KLF12: variants seen among roughly 807,000 people sequenced by gnomAD.
KLF12 encodes KLF transcription factor 12.
KLF12 carries 9 observed loss-of-function variants against 37.8 expected under a neutral mutation model. That is an observed-to-expected ratio of 0.24 (90% CI 0.14 to 0.42). The LOEUF is 0.42. KLF12 is among the 10% of genes least tolerant of loss of function. The probability of loss-of-function intolerance (pLI) is 1.00; values close to 1 mark genes in which losing one functional copy is unlikely to be tolerated. For missense variants in KLF12, 411 were observed against 516.0 expected (o/e 0.80, Z 1.97); for synonymous variants, 208 against 202.1 (o/e 1.03, Z -0.25).
chr13:74,297,539 C>T, the KLF12 span, among the ~76,000 whole-genome samples: 1 of 152,192 alleles, frequency 6.6e-6, no homozygotes, highest in Non-Finnish European at 1.5e-5. Context: ...GAACTGTGGG[C>T]AGCTGTATTT....
the KLF12 span, among the ~76,000 whole-genome samples, chr13:74,199,780 A>G: frequency 6.6e-6 from 1 of 152,140 alleles, no homozygotes; most frequent in Non-Finnish European, 1.5e-5. Flanking sequence ...GAGGATTTGA[A>G]ATTTATTCAC....
chr13:73,731,066 G>T lies in KLF12; in HGVS notation c.870-15541C>A, dbSNP rs147918552. ...TATTGCCATCACTCAAGTAAGTGGAGTCTACCTGAACCAAAGTAGTGTCTT... is the reference window on the plus strand; with the variant it reads ...TATTGCCATCACTCAAGTAAGTGGATTCTACCTGAACCAAAGTAGTGTCTT... On this transcript the variant is annotated intron_variant, in intron 6 of 7. Transcript: ENST00000377669. 3.4e-3 allele frequency among the ~76,000 whole-genome samples: 514 copies of T among 152,272 alleles called. 6 individuals are homozygous for T. Among genetic ancestry groups the T allele is most frequent in the African/African-American group, 0.012 (498 of 41,564 alleles).
chr13:73,920,601 G>T (rs1461550590), intron 3 of KLF12, among the ~76,000 whole-genome samples: 16 of 151,968 alleles, frequency 1.1e-4, no homozygotes, highest in Admixed American at 1.0e-3. Context: ...ACTTTTTGAG[G>T]CTCTTAGTTC....
At chr13:73,963,498 T>C (rs1891085552) in intron 2 of KLF12, among the ~76,000 whole-genome samples, 1 of 152,204 alleles carries the variant, frequency 6.6e-6, no homozygotes, top group Non-Finnish European at 1.5e-5. Flanking sequence ...ATGGATTATA[T>C]AAACGTTAAA....
chr13:74,150,754 G>C, the KLF12 span, among the ~76,000 whole-genome samples: 2 of 152,138 alleles, frequency 1.3e-5, no homozygotes, highest in Admixed American at 1.3e-4. Flanking sequence ...CCATCAACCT[G>C]ATCACCAAGA....
At chr13:73,871,163 A>G (rs1220971840) in intron 3 of KLF12, among the ~76,000 whole-genome samples, 1 of 152,178 alleles carries the variant, frequency 6.6e-6, no homozygotes, top group Non-Finnish European at 1.5e-5. Context: ...GGTTGCCAGC[A>G]ACAACATTCA....
At chr13:74,163,815 G>A in the KLF12 span, among the ~76,000 whole-genome samples, 1 of 143,798 alleles carries the variant, frequency 7.0e-6, no homozygotes, top group African/African-American at 2.6e-5. Context: ...TTGCATGTCT[G>A]TATCAAAACA....
chr13:74,098,127 C>T lies in KLF12; in HGVS notation c.-32+35612G>A, dbSNP rs57321618. Among the ~76,000 whole-genome samples, 597 of 152,264 alleles carry T rather than the reference C, an allele frequency of 3.9e-3. 7 individuals are homozygous for T. The highest frequency in any genetic ancestry group is 0.014 in the African/African-American group (580 of 41,554). On this transcript the variant is annotated intron_variant, in intron 1 of 7. Transcript: ENST00000377669. ...TCTCACAAAATCCCAGAAATCCTGA[C>T]CCCAGGAATGTAACCATTTCGGCCA... is the stretch of plus-strand genomic sequence containing the variant.
intron 1 of KLF12, among the ~76,000 whole-genome samples, chr13:74,119,013 T>A (rs1042354538): frequency 1.3e-5 from 2 of 152,150 alleles, no homozygotes; most frequent in Non-Finnish European, 2.9e-5. Context: ...TACTGTTCTC[T>A]TATATATAAT....
At chr13:73,802,614 C>T (rs1292870605) in intron 5 of KLF12, among the ~76,000 whole-genome samples, 2 of 152,024 alleles carry the variant, frequency 1.3e-5, no homozygotes, top group Admixed American at 6.6e-5. Flanking sequence ...ATTTTCCAAC[C>T]CTTGCCCTCC....
At chr13:74,232,158 G>A in the KLF12 span, among the ~76,000 whole-genome samples, 3 of 152,138 alleles carry the variant, frequency 2.0e-5, no homozygotes, top group African/African-American at 7.2e-5. Context: ...GACAGTGTGG[G>A]AAGAAGGAGG....
At chr13:74,164,771 T>C in the KLF12 span, among the ~76,000 whole-genome samples, 1 of 152,194 alleles carries the variant, frequency 6.6e-6, no homozygotes, top group Admixed American at 6.5e-5. Flanking sequence ...CCAGTGGAAC[T>C]GGAGGATATT....
chr13:73,835,695 T>C (rs9543468), intron 4 of KLF12, among the ~76,000 whole-genome samples: 96,267 of 151,934 alleles, frequency 0.63, 31,379 homozygotes, highest in Non-Finnish European at 0.71. Context: ...TCAGCATGAC[T>C]AGTATATATA....
At chr13:73,703,601 G>C (rs1483168310) in intron 7 of KLF12, among the ~76,000 whole-genome samples, 1 of 152,126 alleles carries the variant, frequency 6.6e-6, no homozygotes, top group African/African-American at 2.4e-5. Flanking sequence ...TCTCTAATAA[G>C]TATTGTTGAT....
the KLF12 span, among the ~76,000 whole-genome samples, chr13:74,208,994 A>T: frequency 6.6e-6 from 1 of 152,252 alleles, no homozygotes; most frequent in Non-Finnish European, 1.5e-5. Context: ...AAATACAGAT[A>T]AAAGATCTTA....
Position 73,867,468 on chromosome 13 carries a change from AAT to A in KLF12, c.124-21097_124-21096del, listed in dbSNP as rs1385267612. ...TGACATATATATGTCAATTTATAAAAATAGTCTTAAAAAGCAAAGGCATAAAG... is the reference window on the plus strand; with the variant it reads ...TGACATATATATGTCAATTTATAAAAAGTCTTAAAAAGCAAAGGCATAAAG... On this transcript the variant is annotated intron_variant, in intron 3 of 7. Transcript: ENST00000377669. 3.9e-5 allele frequency among the ~76,000 whole-genome samples: 6 copies of A among 152,158 alleles called. No individual in the cohort carries two copies. The South Asian group carries it at 1.0e-3, about 26-fold the overall frequency.
chr13:74,146,414 C>A, the KLF12 span, among the ~76,000 whole-genome samples: 1 of 152,114 alleles, frequency 6.6e-6, no homozygotes, highest in Non-Finnish European at 1.5e-5. Context: ...TTATCCCCAA[C>A]AGAAAAGCTG....
At chr13:73,981,474 C>T (rs1292138242) in intron 2 of KLF12, among the ~76,000 whole-genome samples, 2 of 151,862 alleles carry the variant, frequency 1.3e-5, no homozygotes, top group Non-Finnish European at 2.9e-5. Context: ...GAATGAATAT[C>T]AAAAACAACA....
intron 5 of KLF12, among the ~76,000 whole-genome samples, chr13:73,785,844 G>T (rs951467951): frequency 2.6e-5 from 4 of 152,070 alleles, no homozygotes; most frequent in Admixed American, 6.6e-5. Context: ...CTCTGTTCCT[G>T]CCTATCCATT....
Sources: allele counts gnomAD v4.1 joint callset (sites outside exome capture counted in the v4.1 genomes callset), GRCh38; gene constraint gnomAD v4.1.1; transcripts MANE v1.5; gene names NCBI Gene and HGNC (gene_info 2026-07-23, HGNC 2026-07-21).